The following CFAP54 variants were observed in gnomAD, a reference collection of about 807,000 sequenced individuals.
The protein encoded by CFAP54 is cilia and flagella associated protein 54, also known as cilia- and flagella-associated protein 54.
CFAP54 carries 290 observed loss-of-function variants against 370.4 expected under a neutral mutation model. That is an observed-to-expected ratio of 0.78 (90% CI 0.71 to 0.86). The LOEUF (loss-of-function observed/expected upper bound fraction) is 0.86, where lower values mean the gene tolerates loss of function less well. CFAP54 is among the 40% of genes least tolerant of loss of function. CFAP54 has a pLI of 0.00. For synonymous variants in CFAP54, 1,206 were observed against 1,236.5 expected, an observed-to-expected ratio of 0.98 and a Z score of 0.52; for missense variants, 3,399 against 3,528.7, an observed-to-expected ratio of 0.96 and a Z score of 0.93.
At chr12:96,506,496 A>T (rs1017868135) in intron 3 of CFAP54, among the ~76,000 whole-genome samples, 9 of 151,416 alleles carry the variant, frequency 5.9e-5, no homozygotes, top group African/African-American at 2.2e-4. Context: ...TAAATTAATT[A>T]TCCATAATTG....
intron 60 of CFAP54, among the ~76,000 whole-genome samples, chr12:96,770,592 G>A (rs961317993): frequency 2.0e-5 from 3 of 152,226 alleles, no homozygotes; most frequent in Non-Finnish European, 2.9e-5. Flanking sequence ...CAACATGATT[G>A]TTTGCTACCC....
intron 26 of CFAP54, among the ~76,000 whole-genome samples, chr12:96,599,852 G>C (rs1484235429): frequency 6.8e-6 from 1 of 147,766 alleles, no homozygotes; most frequent in African/African-American, 2.7e-5. Flanking sequence ...TTTTGGGGTT[G>C]TTTGTTTTTT....
At chr12:96,490,343 A>C (rs1465990597) in intron 1 of CFAP54, among the ~76,000 whole-genome samples, 1 of 152,246 alleles carries the variant, frequency 6.6e-6, no homozygotes, top group African/African-American at 2.4e-5. Flanking sequence ...CTGTAATCCT[A>C]ATAGCAATAT....
intron 60 of CFAP54, 29 bp downstream of exon 60, chr12:96,765,247 A>G: frequency 2.1e-6 from 3 of 1,445,288 alleles, no homozygotes; most frequent in Non-Finnish European, 2.8e-6. Context: ...ATATTATGCA[A>G]AAAAACTGAT....
intron 64 of CFAP54, among the ~76,000 whole-genome samples, chr12:96,812,292 C>T (rs894201369): frequency 6.6e-6 from 1 of 152,100 alleles, no homozygotes; most frequent in African/African-American, 2.4e-5. Context: ...TAAGCCCAAA[C>T]TCCACTACCT....
At chr12:96,824,866 A>G (rs1159427345) in intron 65 of CFAP54, among the ~76,000 whole-genome samples, 1 of 152,048 alleles carries the variant, frequency 6.6e-6, no homozygotes, top group East Asian at 1.9e-4. Context: ...TTCTCTATAC[A>G]ATAAAATCCA....
chr12:96,660,655 C>T (rs1037174500), intron 38 of CFAP54, among the ~76,000 whole-genome samples: 1 of 152,182 alleles, frequency 6.6e-6, no homozygotes, highest in Admixed American at 6.5e-5. Flanking sequence ...GGGATTTCTC[C>T]CCACCACTAA....
rs78008303 is a variant in CFAP54, at chr12:96,591,095, G to C, written c.3213-1395G>C. 3.5e-3 allele frequency among the ~76,000 whole-genome samples: 539 copies of C among 152,310 alleles called. 2 individuals carry two copies. The highest frequency in any genetic ancestry group is 0.017 in the Middle Eastern group (5 of 294). On this transcript the variant is annotated intron_variant, in intron 23 of 67. Coordinates refer to ENST00000524981, the MANE Select transcript of CFAP54 (RefSeq NM_001306084.2). ...TGGAACCAAGGAAGGATATTGAAAA[G>C]AAGCTGTCCAGAAAATGAAAGTCCA...
At chr12:96,784,035 T>C (rs1198987761) in intron 60 of CFAP54, among the ~76,000 whole-genome samples, 2 of 152,244 alleles carry the variant, frequency 1.3e-5, no homozygotes, top group African/African-American at 4.8e-5. Flanking sequence ...CTTGTAGATG[T>C]AATTCATTCA....
intron 5 of CFAP54, among the ~76,000 whole-genome samples, chr12:96,514,905 A>G (rs1409557617): frequency 6.6e-6 from 1 of 152,200 alleles, no homozygotes; most frequent in African/African-American, 2.4e-5. Context: ...TATATGAATT[A>G]ATAAAAGCAC....
chr12:96,741,984 T>G (rs998315161), intron 51 of CFAP54, among the ~76,000 whole-genome samples: 1 of 152,194 alleles, frequency 6.6e-6, no homozygotes. Flanking sequence ...TAATACCTCT[T>G]TGGCTGTTAG....
At chr12:96,507,987 T>C (rs1039973488) in intron 4 of CFAP54, among the ~76,000 whole-genome samples, 2 of 152,174 alleles carry the variant, frequency 1.3e-5, no homozygotes, top group African/African-American at 4.8e-5. Context: ...CTCTCACACA[T>C]CTTGGCAGGG....
chr12:96,770,084 C>G (rs1958445347), intron 60 of CFAP54, among the ~76,000 whole-genome samples: 1 of 152,154 alleles, frequency 6.6e-6, no homozygotes, highest in Non-Finnish European at 1.5e-5. Context: ...ACACAATTCC[C>G]CATAGTAGGG....
At position 96,685,080 on chromosome 12, in the gene CFAP54, A is replaced by G; in HGVS notation, c.5856A>G (p.Pro1952=). 6.2e-7 allele frequency: 1 copy of G among 1,614,150 alleles called. No individual in the cohort carries two copies. Among genetic ancestry groups the G allele is most frequent in the Non-Finnish European group, 8.5e-7 (1 of 1,180,012 alleles). ...CQALDDIFRK[P]DVLHTWKEFG... ...CTCTTGATGACATATTCAGAAAACC[A>G]GACGTGCTACACACGTGGAAAGAAT... Residue 1952 remains proline, a synonymous_variant, in exon 42 of 68, where the codon CCA becomes CCG. Transcript: ENST00000524981.
At chr12:96,620,229 T>C (rs911935949) in intron 26 of CFAP54, among the ~76,000 whole-genome samples, 7 of 152,192 alleles carry the variant, frequency 4.6e-5, no homozygotes, top group Non-Finnish European at 1.0e-4. Flanking sequence ...TTGTTATTTA[T>C]TGATATGGTT....
intron 22 of CFAP54, 44 bp downstream of exon 22, chr12:96,581,149 C>A: frequency 8.0e-7 from 1 of 1,251,036 alleles, no homozygotes; most frequent in Non-Finnish European, 1.0e-6. Context: ...GTTTTTTTTT[C>A]CATTAAGCAG....
intron 65 of CFAP54, among the ~76,000 whole-genome samples, chr12:96,820,662 C>T (rs944634473): frequency 1.3e-5 from 2 of 152,146 alleles, no homozygotes; most frequent in Non-Finnish European, 2.9e-5. Context: ...GTACTGAGTG[C>T]TTATAATAAA....
At chr12:96,665,748 A>G (rs1195097132) in intron 39 of CFAP54, among the ~76,000 whole-genome samples, 1 of 152,160 alleles carries the variant, frequency 6.6e-6, no homozygotes. Context: ...GAAGTCAGGT[A>G]GTGTGATGCC....
chr12:96,500,976 C>T (rs942796092), intron 2 of CFAP54, 37 bp downstream of exon 2: 3 of 1,249,488 alleles, frequency 2.4e-6, no homozygotes, highest in African/African-American at 3.0e-5. Context: ...AAAAGAAGTT[C>T]ATTTGGCTAA....
Sources: allele counts gnomAD v4.1 joint callset (sites outside exome capture counted in the v4.1 genomes callset), GRCh38; gene constraint gnomAD v4.1.1; transcripts MANE v1.5; gene names NCBI Gene and HGNC (gene_info 2026-07-23, HGNC 2026-07-21).